The following PTPRD variants were observed in gnomAD, a reference collection of about 807,000 sequenced individuals.
PTPRD encodes the protein receptor-type tyrosine-protein phosphatase delta.
Under a neutral mutation model 214.5 loss-of-function variants are expected in PTPRD, and 34 were observed. The observed-to-expected ratio is 0.16, with a 90% CI of 0.12 to 0.21. The LOEUF (loss-of-function observed/expected upper bound fraction) is 0.21. Ranked by LOEUF, PTPRD falls within the 10% of genes least tolerant of loss-of-function variation. PTPRD has a pLI of 1.00. For missense variants in PTPRD, 2,545 were observed against 2,398.7 expected, an observed-to-expected ratio of 1.06 and a Z score of -1.27; for synonymous variants, 1,128 against 845.7, an observed-to-expected ratio of 1.33 and a Z score of -5.79.
rs559393488 is a variant in PTPRD, at chr9:10,119,236, A to C, written c.-544-85446T>G. 7.7e-4 allele frequency among the ~76,000 whole-genome samples: 117 copies of C among 152,032 alleles called. 3 individuals are homozygous for C. In the South Asian group the frequency reaches 0.022, roughly 29 times the overall value. On this transcript the variant is annotated intron_variant, in intron 3 of 45. Coordinates refer to ENST00000381196, the MANE Select transcript of PTPRD (RefSeq NM_002839.4). ...ACTATTACAATCAAACCCAACAATA[A>C]TCCTATAAGGCAGAGATTATTATCT...
intron 3 of PTPRD, among the ~76,000 whole-genome samples, chr9:10,083,170 C>A (rs1399209396): frequency 6.6e-6 from 1 of 151,848 alleles, no homozygotes; most frequent in Admixed American, 6.6e-5. Context: ...CCTCTTAGTC[C>A]CCAGAAATTG....
Position 10,001,631 on chromosome 9 carries a change from A to G in PTPRD, c.-472+32087T>C, listed in dbSNP as rs187020406. 1.7e-3 allele frequency among the ~76,000 whole-genome samples: 255 copies of G among 152,302 alleles called. 2 individuals are homozygous for G. Among genetic ancestry groups the G allele is most frequent in the South Asian group, 0.013 (64 of 4,832 alleles). On this transcript the variant is annotated intron_variant, in intron 4 of 45. Coordinates refer to ENST00000381196, the MANE Select transcript of PTPRD (RefSeq NM_002839.4). ...AAGCACTGAAGAAAAAGACTATCAC[A>G]TAAGAATTCTCTACCTAACAAAATT...
At chr9:9,201,632 G>A (rs774726392) in intron 9 of PTPRD, among the ~76,000 whole-genome samples, 3 of 152,020 alleles carry the variant, frequency 2.0e-5, no homozygotes, top group African/African-American at 4.8e-5. Flanking sequence ...AGCCACTTAA[G>A]TTTTAAATAT....
chr9:8,703,874 G>C (rs1352111642), intron 12 of PTPRD, among the ~76,000 whole-genome samples: 1 of 152,110 alleles, frequency 6.6e-6, no homozygotes, highest in Admixed American at 6.5e-5. Context: ...CCCAAACCGA[G>C]CTCATGATTC....
chr9:10,212,625 A>G (rs1335771663), intron 3 of PTPRD, among the ~76,000 whole-genome samples: 1 of 152,152 alleles, frequency 6.6e-6, no homozygotes, highest in Non-Finnish European at 1.5e-5. Context: ...CTGTGTAAAA[A>G]TAAGTATTTG....
intron 3 of PTPRD, among the ~76,000 whole-genome samples, chr9:10,036,221 T>C (rs1435150907): frequency 6.6e-6 from 1 of 152,176 alleles, no homozygotes; most frequent in Non-Finnish European, 1.5e-5. Flanking sequence ...TAGTGGAATC[T>C]CTGCTTTCTC....
chr9:8,655,911 G>A (rs944102659), intron 12 of PTPRD, among the ~76,000 whole-genome samples: 4 of 151,938 alleles, frequency 2.6e-5, no homozygotes, highest in South Asian at 2.1e-4. Context: ...GACCTTGTTC[G>A]AGAATCTTCC....
At chr9:8,484,071 AT>A (rs1565179974) in intron 30 of PTPRD, 47 bp downstream of exon 30, 1 of 1,574,002 alleles carries the variant, frequency 6.4e-7, no homozygotes, top group Admixed American at 1.8e-5. Context: ...TAATGTTCCT[AT>A]TTACCTATAA....
chr9:9,211,804 A>AT (rs371299570), intron 9 of PTPRD, among the ~76,000 whole-genome samples: 17,382 of 144,622 alleles, frequency 0.12, 1,184 homozygotes, highest in Middle Eastern at 0.16. Context: ...AACTGGTACT[A>AT]TTTTTTTTTT....
intron 7 of PTPRD, among the ~76,000 whole-genome samples, chr9:9,635,946 G>A (rs772004923): frequency 5.9e-5 from 9 of 152,090 alleles, no homozygotes; most frequent in Non-Finnish European, 1.2e-4. Flanking sequence ...AGAAAAAAAT[G>A]ATATTGCAAT....
intron 3 of PTPRD, among the ~76,000 whole-genome samples, chr9:10,178,362 G>C (rs1479045781): frequency 6.6e-6 from 1 of 151,626 alleles, no homozygotes; most frequent in Non-Finnish European, 1.5e-5. Flanking sequence ...ATAAAAGATG[G>C]AATCACATGA....
At chr9:10,081,907 C>T (rs953137637) in intron 3 of PTPRD, among the ~76,000 whole-genome samples, 4 of 152,084 alleles carry the variant, frequency 2.6e-5, no homozygotes, top group African/African-American at 9.6e-5. Flanking sequence ...TGATCATTTA[C>T]AGCATAATAC....
At chr9:8,380,615 T>C (rs1191946096) in intron 37 of PTPRD, among the ~76,000 whole-genome samples, 1 of 152,210 alleles carries the variant, frequency 6.6e-6, no homozygotes, top group African/African-American at 2.4e-5. Context: ...ATGGAATTAA[T>C]TTATTTTACC....
chr9:10,417,980 T>C (rs531601293), intron 2 of PTPRD, among the ~76,000 whole-genome samples: 28 of 151,840 alleles, frequency 1.8e-4, no homozygotes, highest in African/African-American at 6.3e-4. Flanking sequence ...TTATGGAGTT[T>C]AACAGATTAG....
intron 9 of PTPRD, among the ~76,000 whole-genome samples, chr9:9,225,769 A>G (rs1336493731): frequency 2.0e-5 from 3 of 152,084 alleles, no homozygotes; most frequent in Non-Finnish European, 4.4e-5. Flanking sequence ...TGCCCAATAG[A>G]ACATAAAATA....
chr9:8,931,285 T>A (rs2098950635), intron 11 of PTPRD, among the ~76,000 whole-genome samples: 2 of 152,004 alleles, frequency 1.3e-5, no homozygotes, highest in Non-Finnish European at 2.9e-5. Flanking sequence ...TGTGTGGTAT[T>A]ATTTTTGAGG....
chr9:9,474,768 T>G lies in PTPRD; in HGVS notation c.-236-77286A>C, dbSNP rs538815593. On this transcript the variant is annotated intron_variant, in intron 8 of 45. Transcript: ENST00000381196. ...TATTGGTGTATAGAATTTCTACTAA[T>G]TTTATGTTAATTTTGTATCTTGCAA... Among the ~76,000 whole-genome samples, 36 of 152,250 alleles carry G rather than the reference T, an allele frequency of 2.4e-4. No individual in the cohort carries two copies. In the South Asian group the frequency reaches 7.2e-3, roughly 31 times the overall value.
chr9:8,848,675 G>C (rs187535413), intron 11 of PTPRD, among the ~76,000 whole-genome samples: 92 of 152,060 alleles, frequency 6.1e-4, no homozygotes, highest in African/African-American at 2.2e-3. Flanking sequence ...GACGATGTGA[G>C]ATAAATATTT....
intron 31 of PTPRD, among the ~76,000 whole-genome samples, chr9:8,466,489 T>C (rs1261404551): frequency 6.6e-6 from 1 of 151,904 alleles, no homozygotes; most frequent in African/African-American, 2.4e-5. Context: ...GGATAACCTA[T>C]TATTTTTCAT....
Sources: allele counts gnomAD v4.1 joint callset (sites outside exome capture counted in the v4.1 genomes callset), GRCh38; gene constraint gnomAD v4.1.1; transcripts MANE v1.5; gene names NCBI Gene and HGNC (gene_info 2026-07-23, HGNC 2026-07-21).